Variants in SPAG16 observed in about 807,000 individuals in gnomAD.
The protein encoded by SPAG16 is sperm-associated antigen 16 protein.
In SPAG16, 86 loss-of-function variants were observed where a neutral mutation model predicts 80.4. The observed-to-expected ratio is 1.07, with a 90% CI of 0.90 to 1.28. SPAG16 has a LOEUF of 1.28. Ranked by LOEUF, SPAG16 falls within the 50% of genes most tolerant of loss-of-function variation. SPAG16 has a pLI of 0.00. For synonymous variants in SPAG16, 294 were observed against 265.9 expected, an observed-to-expected ratio of 1.11 and a Z score of -1.03; for missense variants, 870 against 765.3, an observed-to-expected ratio of 1.14 and a Z score of -1.61.
chr2:213,925,318 G>A (rs942445880), intron 11 of SPAG16, among the ~76,000 whole-genome samples: 1 of 149,752 alleles, frequency 6.7e-6, no homozygotes, highest in African/African-American at 2.4e-5. Flanking sequence ...GCTTTGTTTA[G>A]TTGGAACATT....
In SPAG16 at chr2:213,980,712, G is replaced by GTGTGTATATATA. The variant is rs1469351640; in HGVS notation, c.1401-33238_1401-33237insGTGTATATATAT. Reference sequence around the variant, plus strand: ...ATAGAATATATGTGTGTGTGTGTGTGTATATATATATATAGAGAGAGAGAG... The same window carrying GTGTGTATATATA: ...ATAGAATATATGTGTGTGTGTGTGTGTGTGTATATATATATATATATATATAGAGAGAGAGAG... On this transcript the variant is annotated intron_variant, in intron 12 of 15. Coordinates refer to ENST00000331683, the MANE Select transcript of SPAG16 (RefSeq NM_024532.5). Among the ~76,000 whole-genome samples, 652 of 113,888 alleles carry GTGTGTATATATA rather than the reference G, an allele frequency of 5.7e-3. 34 individuals are homozygous for GTGTGTATATATA. Among genetic ancestry groups the GTGTGTATATATA allele is most frequent in the African/African-American group, 0.024 (620 of 26,024 alleles). The allele number at this position is 113,888 out of a possible 152,430, so 74.7% of individuals were successfully genotyped here. A position where few individuals can be genotyped will look rare whatever the true frequency, so the allele number is the denominator to read the frequency against.
intron 10 of SPAG16, among the ~76,000 whole-genome samples, chr2:213,603,800 C>T (rs1327883661): frequency 6.6e-6 from 1 of 152,222 alleles, no homozygotes; most frequent in Non-Finnish European, 1.5e-5. Context: ...CATTCACACT[C>T]CAGTTCATTC....
chr2:213,795,740 T>G (rs1185534563), intron 10 of SPAG16, among the ~76,000 whole-genome samples: 1 of 152,172 alleles, frequency 6.6e-6, no homozygotes, highest in Non-Finnish European at 1.5e-5. Context: ...TCACGAGATC[T>G]GGTTGTTTAA....
At chr2:214,221,120 G>C (rs2058556005) in intron 15 of SPAG16, among the ~76,000 whole-genome samples, 1 of 152,136 alleles carries the variant, frequency 6.6e-6, no homozygotes, top group African/African-American at 2.4e-5. Context: ...ATATTTATCA[G>C]GTTCAGGTTC....
At chr2:213,997,101 C>T (rs1479218230) in intron 12 of SPAG16, among the ~76,000 whole-genome samples, 1 of 152,178 alleles carries the variant, frequency 6.6e-6, no homozygotes, top group Non-Finnish European at 1.5e-5. Context: ...TTAGGGACTA[C>T]ATATGCTGAC....
intron 15 of SPAG16, among the ~76,000 whole-genome samples, chr2:214,195,276 T>A (rs1219530532): frequency 7.3e-6 from 1 of 137,088 alleles, no homozygotes; most frequent in African/African-American, 2.6e-5. Context: ...AGATACTGAG[T>A]TCAAACACAC....
At chr2:213,578,374 A>G (rs2060197169) in intron 10 of SPAG16, among the ~76,000 whole-genome samples, 1 of 152,176 alleles carries the variant, frequency 6.6e-6, no homozygotes, top group South Asian at 2.1e-4. Context: ...TCAACTGAAA[A>G]AAGCTAAGAT....
At chr2:213,671,408 C>G (rs1191003860) in intron 10 of SPAG16, among the ~76,000 whole-genome samples, 1 of 152,114 alleles carries the variant, frequency 6.6e-6, no homozygotes, top group African/African-American at 2.4e-5. Flanking sequence ...TAAGAACTCT[C>G]AGAGTAAGGA....
At chr2:213,312,152 T>G (rs938911627) in intron 4 of SPAG16, among the ~76,000 whole-genome samples, 8 of 151,676 alleles carry the variant, frequency 5.3e-5, no homozygotes, top group Non-Finnish European at 8.9e-5. Context: ...ACAGGAGAGA[T>G]ATGGCCTGTA....
At chr2:214,335,487 T>G (rs1046711956) in intron 15 of SPAG16, among the ~76,000 whole-genome samples, 5 of 147,146 alleles carry the variant, frequency 3.4e-5, no homozygotes, top group African/African-American at 1.2e-4. Flanking sequence ...TATATATAGA[T>G]ATATATATAA....
intron 10 of SPAG16, among the ~76,000 whole-genome samples, chr2:213,664,378 G>A (rs1574705557): frequency 1.3e-5 from 2 of 151,988 alleles, no homozygotes; most frequent in East Asian, 3.8e-4. Context: ...ACCACACATG[G>A]AATAACTATA....
intron 10 of SPAG16, among the ~76,000 whole-genome samples, chr2:213,815,874 G>A (rs1341647762): frequency 6.6e-6 from 1 of 151,890 alleles, no homozygotes; most frequent in Non-Finnish European, 1.5e-5. Flanking sequence ...ACATGATATT[G>A]ACTCATAATT....
chr2:214,268,119 A>G lies in SPAG16; in HGVS notation c.1720+118853A>G, dbSNP rs1485032270. Reference sequence around the variant, plus strand: ...AAGAGAAATGTAAATTAAAACCACAATGAGAGATTGCCTCACACCTGTTAG... The same window carrying G: ...AAGAGAAATGTAAATTAAAACCACAGTGAGAGATTGCCTCACACCTGTTAG... On this transcript the variant is annotated intron_variant, in intron 15 of 15. Transcript: ENST00000331683. Among the ~76,000 whole-genome samples, 3 of 151,236 alleles carry G rather than the reference A, an allele frequency of 2.0e-5. No individual in the cohort carries two copies. In the East Asian group the frequency reaches 5.8e-4, roughly 29 times the overall value.
chr2:214,378,472 T>C (rs559815349), intron 15 of SPAG16, among the ~76,000 whole-genome samples: 212 of 152,314 alleles, frequency 1.4e-3, no homozygotes, highest in African/African-American at 4.9e-3. Flanking sequence ...GTTTCACTGA[T>C]GTTATCCTGA....
At chr2:213,890,168 GAGA>G (rs1232668742) in intron 11 of SPAG16, among the ~76,000 whole-genome samples, 1 of 152,028 alleles carries the variant, frequency 6.6e-6, no homozygotes, top group African/African-American at 2.4e-5. Context: ...CAAGTTCAGT[GAGA>G]AGGACACTTT....
intron 9 of SPAG16, among the ~76,000 whole-genome samples, chr2:213,405,407 A>C (rs1187944819): frequency 6.6e-6 from 1 of 152,252 alleles, no homozygotes; most frequent in Admixed American, 6.5e-5. Context: ...TAAACATACA[A>C]TGTGTAATGA....
At chr2:213,814,756 C>T (rs1409733134) in intron 10 of SPAG16, among the ~76,000 whole-genome samples, 1 of 151,452 alleles carries the variant, frequency 6.6e-6, no homozygotes, top group Non-Finnish European at 1.5e-5. Flanking sequence ...CACCACTGCA[C>T]TCCAGCCTGG....
intron 9 of SPAG16, among the ~76,000 whole-genome samples, chr2:213,421,664 C>G (rs2069596069): frequency 6.6e-6 from 1 of 152,206 alleles, no homozygotes; most frequent in South Asian, 2.1e-4. Context: ...ACGTATTTCC[C>G]CTCTTCTGAG....
chr2:214,219,514 T>G (rs1333562646), intron 15 of SPAG16, among the ~76,000 whole-genome samples: 1 of 152,108 alleles, frequency 6.6e-6, no homozygotes, highest in African/African-American at 2.4e-5. Flanking sequence ...ATATATAAAG[T>G]GCTAAGTGTT....
Sources: allele counts gnomAD v4.1 joint callset (sites outside exome capture counted in the v4.1 genomes callset), GRCh38; gene constraint gnomAD v4.1.1; transcripts MANE v1.5; gene names NCBI Gene and HGNC (gene_info 2026-07-23, HGNC 2026-07-21).